PPP2R2C: variants seen among roughly 807,000 people sequenced by gnomAD.
The protein encoded by PPP2R2C is protein phosphatase 2, regulatory subunit B, gamma.
A neutral mutation model predicts 45.3 loss-of-function variants in PPP2R2C; 10 were observed. That is an observed-to-expected ratio of 0.22 (90% CI 0.14 to 0.37). The LOEUF (loss-of-function observed/expected upper bound fraction) is 0.37, where lower values mean the gene tolerates loss of function less well. Among genes scored for constraint, PPP2R2C ranks in the 10% least tolerant of loss-of-function variants. The pLI is 1.00. For synonymous variants in PPP2R2C, 257 were observed against 245.4 expected (o/e 1.05, Z -0.44); for missense variants, 308 against 619.7 (o/e 0.50, Z 5.34).
chr4:6,469,387 T>C (rs1484064192), intron 1 of PPP2R2C, among the ~76,000 whole-genome samples: 1 of 152,078 alleles, frequency 6.6e-6, no homozygotes. Context: ...TGGGGTGTGG[T>C]GGGGGAGTGT....
rs1001807292 is a variant in PPP2R2C, at chr4:6,462,487, T to A, written c.70+9673A>T. ...GAGTGAAACTCCGTCTTAAAAAAAA[T>A]AAAATAAAATAATAACAAATGTCTT... is the stretch of plus-strand genomic sequence containing the variant. On this transcript the variant is annotated intron_variant, in intron 1 of 8. Coordinates refer to ENST00000382599, the MANE Select transcript of PPP2R2C (RefSeq NM_020416.4). Among the ~76,000 whole-genome samples, 25 of 151,880 alleles carry A rather than the reference T, an allele frequency of 1.6e-4. 1 individual carries two copies. The highest frequency in any genetic ancestry group is 9.2e-4 in the Admixed American group (14 of 15,232).
chr4:6,507,621 T>G (rs1723283508), intron 2 of PPP2R2C, among the ~76,000 whole-genome samples: 1 of 152,196 alleles, frequency 6.6e-6, no homozygotes, highest in Admixed American at 6.5e-5. Flanking sequence ...TAAAAGTCAC[T>G]AAGTAGCCTC....
At position 6,353,955 on chromosome 4, in the gene PPP2R2C, A is replaced by C. The variant is rs148525716; in HGVS notation, c.626-5945T>G. ...ACAGCCCCCCACACCAACAGCCCCC[A>C]CACCGCTCCTTCTCTAGAACTCCCA... On this transcript the variant is annotated intron_variant, in intron 5 of 8. Transcript: ENST00000382599. Among the ~76,000 whole-genome samples, 267 of 60,198 alleles carry C rather than the reference A, an allele frequency of 4.4e-3. 3 individuals carry two copies. Among genetic ancestry groups the C allele is most frequent in the Middle Eastern group, 0.014 (2 of 140 alleles). The allele number at this position is 60,198 out of a possible 152,430, so 39.5% of individuals were successfully genotyped here.
intron 2 of PPP2R2C, among the ~76,000 whole-genome samples, chr4:6,527,520 T>TACCATGAGAACACAGCCCCACTCCTTAAC (rs1560603782): frequency 1.3e-5 from 2 of 148,774 alleles, no homozygotes; most frequent in African/African-American, 2.5e-5. Context: ...GCCATGAGAA[T>TACCATGAGAACACAGCCCCACTCCTTAAC]ACCATGAGAA....
At chr4:6,512,176 C>A (rs796404374) in intron 2 of PPP2R2C, among the ~76,000 whole-genome samples, 2 of 11,004 alleles carry the variant, frequency 1.8e-4, no homozygotes, top group Non-Finnish European at 3.3e-4. Flanking sequence ...GGTGATGGTG[C>A]TGATGGTGGT....
At chr4:6,476,553 C>T (rs986453116), upstream of PPP2R2C, among the ~76,000 whole-genome samples, 4 of 152,152 alleles carry the variant, frequency 2.6e-5, no homozygotes, top group Admixed American at 6.5e-5. Context: ...CAGGATCTGC[C>T]GGCACTTTGA....
intron 1 of PPP2R2C, 114 bp from the exon 2 acceptor site, chr4:6,381,208 T>A (rs1715766816): frequency 6.5e-7 from 1 of 1,542,638 alleles, no homozygotes; most frequent in Non-Finnish European, 8.7e-7. Flanking sequence ...CCCACAGCCC[T>A]GGGCAGGAGG....
At chr4:6,384,603 T>A (rs924053149) in intron 1 of PPP2R2C, 1 of 985,244 alleles carries the variant, frequency 1.0e-6, no homozygotes, top group East Asian at 1.1e-4. Flanking sequence ...GATGGGAACA[T>A]AACAATGCTA....
chr4:6,439,376 C>A (rs554183399), intron 1 of PPP2R2C, among the ~76,000 whole-genome samples: 9 of 152,312 alleles, frequency 5.9e-5, no homozygotes, highest in African/African-American at 1.9e-4. Context: ...TACGGGGGTG[C>A]TTTTCCAGTT....
intron 2 of PPP2R2C, among the ~76,000 whole-genome samples, chr4:6,502,801 C>G (rs999245501): frequency 2.0e-5 from 3 of 152,160 alleles, no homozygotes; most frequent in African/African-American, 7.2e-5. Flanking sequence ...TTGCACTATT[C>G]TAATTTTCAG....
chr4:6,538,811 A>C (rs954887570), intron 1 of PPP2R2C, among the ~76,000 whole-genome samples: 21 of 152,160 alleles, frequency 1.4e-4, no homozygotes, highest in Non-Finnish European at 2.9e-4. Flanking sequence ...ACCGTCATGA[A>C]ATGTCCTCCC....
chr4:6,336,361 T>G (rs1012026130), intron 6 of PPP2R2C, among the ~76,000 whole-genome samples: 2 of 151,756 alleles, frequency 1.3e-5, no homozygotes, highest in African/African-American at 4.8e-5. Flanking sequence ...GAAGGAAGGG[T>G]GAGGCCGCTC....
intron 2 of PPP2R2C, among the ~76,000 whole-genome samples, chr4:6,488,821 A>G (rs369702914): frequency 4.9e-4 from 75 of 152,300 alleles, no homozygotes; most frequent in African/African-American, 1.8e-3. Flanking sequence ...TGTCTACCCA[A>G]TTTCCTGTGA....
chr4:6,363,535 A>T (rs10015919), intron 5 of PPP2R2C, among the ~76,000 whole-genome samples: 3 of 151,444 alleles, frequency 2.0e-5, no homozygotes, highest in East Asian at 2.0e-4. Context: ...GCCGAGATTG[A>T]GCCACTGCAC....
intron 2 of PPP2R2C, among the ~76,000 whole-genome samples, chr4:6,508,544 G>A (rs548292538): frequency 1.1e-4 from 17 of 152,046 alleles, no homozygotes; most frequent in Non-Finnish European, 1.6e-4. Context: ...AGCCAAGATC[G>A]TGCCACTGCA....
At chr4:6,380,002 CCCTCCCCTG>C (rs1183732207) in intron 2 of PPP2R2C, 2 of 152,636 alleles carry the variant, frequency 1.3e-5, no homozygotes, top group African/African-American at 4.8e-5. Flanking sequence ...TCCTCCCCTC[CCCTCCCCTG>C]CCTCTCCTGC....
intron 6 of PPP2R2C, 29 bp downstream of exon 6, chr4:6,347,817 G>GCCCCCC: frequency 2.8e-6 from 3 of 1,058,498 alleles, no homozygotes; most frequent in East Asian, 5.0e-5. Context: ...CCAATGCACA[G>GCCCCCC]CCCCCCACCC....
chr4:6,511,504 A>T (rs796442822), intron 2 of PPP2R2C, among the ~76,000 whole-genome samples: 3 of 9,620 alleles, frequency 3.1e-4, no homozygotes, highest in Admixed American at 1.1e-3. Context: ...GATGGCGGTG[A>T]TGGTGGTGGT....
intron 2 of PPP2R2C, among the ~76,000 whole-genome samples, chr4:6,530,065 C>T (rs887504089): frequency 2.0e-5 from 3 of 152,148 alleles, no homozygotes; most frequent in Non-Finnish European, 4.4e-5. Flanking sequence ...AACCACAAGG[C>T]ACCACGCCTG....
Sources: gnomAD v4.1 joint callset for allele counts (sites outside exome capture counted in the v4.1 genomes callset) on GRCh38, gnomAD v4.1.1 for gene constraint, MANE v1.5 for transcripts, NCBI Gene and HGNC (gene_info 2026-07-23, HGNC 2026-07-21) for gene names.